The following ZNF831 variants were observed in gnomAD, a reference collection of about 807,000 sequenced individuals.
ZNF831 encodes the protein zinc finger protein 831, also known as chromosome 20 open reading frame 174.
ZNF831 carries 59 observed loss-of-function variants against 95.8 expected under a neutral mutation model. The ratio of observed to expected loss-of-function variants is 0.62; its 90% CI spans 0.50 to 0.77. The LOEUF (loss-of-function observed/expected upper bound fraction) is 0.77. Among genes scored for constraint, ZNF831 ranks in the 30% least tolerant of loss-of-function variants. The probability of loss-of-function intolerance (pLI) is 0.00; values close to 1 mark genes in which losing one functional copy is unlikely to be tolerated. For missense variants in ZNF831, 2,205 were observed against 2,164.0 expected, an observed-to-expected ratio of 1.02 and a Z score of -0.38; for synonymous variants, 961 against 925.5, an observed-to-expected ratio of 1.04 and a Z score of -0.70.
chr20:59,216,440 T>C (rs1235836642), intron 4 of ZNF831, among the ~76,000 whole-genome samples: 1 of 152,166 alleles, frequency 6.6e-6, no homozygotes, highest in Non-Finnish European at 1.5e-5. Flanking sequence ...TTGACTGAGA[T>C]GGAGTTTCAC....
chr20:59,225,998 C>A (rs957103646), intron 4 of ZNF831, among the ~76,000 whole-genome samples: 3 of 152,198 alleles, frequency 2.0e-5, no homozygotes, highest in African/African-American at 7.2e-5. Flanking sequence ...GGGTTGCCTT[C>A]ATCCCTAGGC....
rs187667038 is a variant in ZNF831, at chr20:59,135,825, A to G, written c.-1424-10406A>G. Reference sequence around the variant, plus strand: ...AAAAGTAATTGCGGTTTTTGCCATGACTTTCAGTGGCCACAGTTACTTTTG... The same window carrying G: ...AAAAGTAATTGCGGTTTTTGCCATGGCTTTCAGTGGCCACAGTTACTTTTG... On this transcript the variant is annotated intron_variant, in intron 1 of 7. Coordinates refer to the ZNF831 transcript ENST00000637017. 9.2e-5 allele frequency among the ~76,000 whole-genome samples: 14 copies of G among 152,224 alleles called. No homozygotes were observed. The East Asian group carries it at 2.5e-3, about 27-fold the overall frequency.
intron 2 of ZNF831, among the ~76,000 whole-genome samples, chr20:59,151,443 AC>A (rs751453928): frequency 1.1e-3 from 166 of 152,248 alleles, no homozygotes; most frequent in Non-Finnish European, 1.7e-3. Flanking sequence ...GATACACCCG[AC>A]CCTGTGCTAG....
chr20:59,193,747 G>A lies in ZNF831; in HGVS notation c.2728G>A (p.Ala910Thr). Residue 910 changes from alanine to threonine, a missense_variant, in exon 2 of 6, where the codon GCC becomes ACC. Coordinates refer to ENST00000371030, the MANE Select transcript of ZNF831 (RefSeq NM_178457.3). ...CAAGGCTACCCCACTGCATCCTGCA[G>A]CCCCAGCCCCCGCAGAGCACCCCTC... ...RDKATPLHPA[A>T]PAPAEHPSLA... 6.2e-7 allele frequency: 1 copy of A among 1,609,726 alleles called. No individual in the cohort carries two copies. Among genetic ancestry groups the A allele is most frequent in the East Asian group, 2.2e-5 (1 of 44,836 alleles).
intron 4 of ZNF831, among the ~76,000 whole-genome samples, chr20:59,223,942 A>T (rs1430754981): frequency 6.6e-6 from 1 of 152,210 alleles, no homozygotes; most frequent in Non-Finnish European, 1.5e-5. Context: ...GGAGGGAGGA[A>T]GGAAGGAGTC....
At chr20:59,177,965 ACTT>A (rs1342758377) in intron 1 of ZNF831, among the ~76,000 whole-genome samples, 2 of 152,202 alleles carry the variant, frequency 1.3e-5, no homozygotes, top group African/African-American at 4.8e-5. Context: ...TGCTCACAGT[ACTT>A]CTCAGTACCT....
At chr20:59,162,506 A>G (rs944951767), upstream of ZNF831, among the ~76,000 whole-genome samples, 1 of 152,232 alleles carries the variant, frequency 6.6e-6, no homozygotes, top group Non-Finnish European at 1.5e-5. Flanking sequence ...ATTCTTCTGC[A>G]TATGGTTAGC....
At chr20:59,158,154 G>C (rs1342856353) in intron 2 of ZNF831, among the ~76,000 whole-genome samples, 3 of 152,184 alleles carry the variant, frequency 2.0e-5, no homozygotes. Flanking sequence ...TGTTCCTCAG[G>C]CGCTTTCATT....
chr20:59,239,549 CTTT>C (rs10653584), intron 4 of ZNF831, among the ~76,000 whole-genome samples: 7 of 127,414 alleles, frequency 5.5e-5, no homozygotes, highest in South Asian at 2.5e-4. Flanking sequence ...TCTGTAAACA[CTTT>C]TTTTTTTTTT....
intron 1 of ZNF831, among the ~76,000 whole-genome samples, chr20:59,178,866 T>C (rs1982378863): frequency 6.6e-6 from 1 of 152,220 alleles, no homozygotes; most frequent in Non-Finnish European, 1.5e-5. Context: ...GCAGCTCATC[T>C]GAGTCACAGG....
intron 4 of ZNF831, among the ~76,000 whole-genome samples, chr20:59,211,472 G>A (rs1280539869): frequency 6.6e-6 from 1 of 152,216 alleles, no homozygotes; most frequent in Non-Finnish European, 1.5e-5. Flanking sequence ...CCAGCAAGCT[G>A]GGGTTGACAG....
At chr20:59,200,351 C>T (rs907268930) in intron 3 of ZNF831, among the ~76,000 whole-genome samples, 1 of 152,066 alleles carries the variant, frequency 6.6e-6, no homozygotes, top group African/African-American at 2.4e-5. Flanking sequence ...TTCTATCTTT[C>T]ATGTCTTTTA....
intron 4 of ZNF831, among the ~76,000 whole-genome samples, chr20:59,215,704 T>C (rs1158813507): frequency 6.6e-6 from 1 of 152,232 alleles, no homozygotes; most frequent in African/African-American, 2.4e-5. Flanking sequence ...CCTTCAGAAC[T>C]TTTGTTGCAT....
At chr20:59,241,072 G>A (rs7268847) in intron 4 of ZNF831, among the ~76,000 whole-genome samples, 15,257 of 152,102 alleles carry the variant, frequency 0.1, 2,047 homozygotes, top group African/African-American at 0.31. Flanking sequence ...GTTTTATATT[G>A]TAAAATAATT....
chr20:59,179,484 G>A (rs1488590399), intron 1 of ZNF831, among the ~76,000 whole-genome samples: 1 of 152,040 alleles, frequency 6.6e-6, no homozygotes, highest in African/African-American at 2.4e-5. Context: ...GGAGACCAGC[G>A]GCCTGAAATC....
chr20:59,216,374 G>A (rs1408492259), intron 4 of ZNF831, among the ~76,000 whole-genome samples: 2 of 152,236 alleles, frequency 1.3e-5, no homozygotes, highest in Non-Finnish European at 2.9e-5. Flanking sequence ...TAGGGTGAGA[G>A]GCACTTGCCA....
intron 4 of ZNF831, among the ~76,000 whole-genome samples, chr20:59,244,015 G>T (rs1343842830): frequency 6.6e-6 from 1 of 151,072 alleles, no homozygotes; most frequent in Admixed American, 6.6e-5. Context: ...TTCTCTTCTT[G>T]TCTGGGCATG....
chr20:59,207,469 G>A (rs781328814), intron 4 of ZNF831, among the ~76,000 whole-genome samples: 1 of 152,206 alleles, frequency 6.6e-6, no homozygotes, highest in Non-Finnish European at 1.5e-5. Context: ...ATGGGCTTAA[G>A]AGCCCATGTG....
intron 2 of ZNF831, among the ~76,000 whole-genome samples, chr20:59,150,338 A>G (rs1980154889): frequency 6.6e-6 from 1 of 152,154 alleles, no homozygotes; most frequent in African/African-American, 2.4e-5. Flanking sequence ...TATAAGTCGT[A>G]ATGGAAACCA....
Sources: allele counts gnomAD v4.1 joint callset (sites outside exome capture counted in the v4.1 genomes callset), GRCh38; gene constraint gnomAD v4.1.1; transcripts MANE v1.5; gene names NCBI Gene and HGNC (gene_info 2026-07-23, HGNC 2026-07-21).